The following EVC variants were observed in gnomAD, a reference collection of about 807,000 sequenced individuals.
EVC encodes the protein evC complex member EVC.
EVC carries 116 observed loss-of-function variants against 118.9 expected under a neutral mutation model. The observed-to-expected ratio is 0.98, with a 90% confidence interval of 0.84 to 1.14. The LOEUF is 1.14. Ranked by LOEUF, EVC falls within the 50% of genes most tolerant of loss-of-function variation. EVC has a pLI of 0.00. For missense variants in EVC, 1,401 were observed against 1,246.4 expected, an observed-to-expected ratio of 1.12 and a Z score of -1.87; for synonymous variants, 619 against 534.7, an observed-to-expected ratio of 1.16 and a Z score of -2.18.
At position 5,811,014 on chromosome 4, in the gene EVC, C is replaced by G; in HGVS notation, c.2956C>G (p.Leu986Val). Residue 986 changes from leucine to valine, a missense_variant, in exon 21 of 21, where the codon CTA (leucine) becomes GTA (valine). Leu to Val is a conservative substitution (Grantham distance 32, BLOSUM62 1). Coordinates refer to ENST00000264956, the MANE Select transcript of EVC (RefSeq NM_153717.3). ...AGDSGNSKKMLKRRSNL is the reference protein window; with the variant it reads ...AGDSGNSKKMVKRRSNL ...GGACAGTGGGAACTCAAAGAAGATG[C>G]TAAAGAGAAGAAGCAACTTGTAGTT... The G allele has an allele frequency of 6.2e-7, 1 of 1,612,684 alleles. No homozygotes were observed. Among genetic ancestry groups the G allele is most frequent in the South Asian group, 1.1e-5 (1 of 90,746 alleles).
chr4:5,761,196 G>A (rs1354984830), intron 11 of EVC, among the ~76,000 whole-genome samples: 1 of 152,012 alleles, frequency 6.6e-6, no homozygotes, highest in Non-Finnish European at 1.5e-5. Context: ...AGGAGAGCAG[G>A]TCCAAGGCCC....
At chr4:5,741,631 G>C (rs1478982791) in intron 5 of EVC, 85 bp from the exon 6 acceptor site, 8 of 749,682 alleles carry the variant, frequency 1.1e-5, no homozygotes, top group South Asian at 4.5e-5. Flanking sequence ...GTGGGGGAGG[G>C]AGGGAGAAGA....
chr4:5,753,066 A>G lies in EVC; in HGVS notation c.1315+14A>G. 5 of 1,571,806 alleles carry G rather than the reference A, an allele frequency of 3.2e-6. No homozygotes were observed. Among genetic ancestry groups the G allele is most frequent in the African/African-American group, 1.3e-5 (1 of 74,390 alleles). On this transcript the variant is annotated intron_variant, in intron 9 of 20. Coordinates refer to ENST00000264956, the MANE Select transcript of EVC (RefSeq NM_153717.3). ...GCTTCAGCCGGGGTGAGCCGTGGGCATGGGTGCCGCCGTCCACAACACTGG... is the reference window on the plus strand; with the variant it reads ...GCTTCAGCCGGGGTGAGCCGTGGGCGTGGGTGCCGCCGTCCACAACACTGG...
chr4:5,792,979 G>A (rs909694583), intron 12 of EVC, among the ~76,000 whole-genome samples: 5 of 152,174 alleles, frequency 3.3e-5, no homozygotes, highest in African/African-American at 1.2e-4. Context: ...AAATTGATCT[G>A]TAAAATCAAC....
chr4:5,778,624 T>C (rs1735092822), intron 11 of EVC, among the ~76,000 whole-genome samples: 2 of 152,210 alleles, frequency 1.3e-5, no homozygotes, highest in African/African-American at 2.4e-5. Flanking sequence ...TTTTTTTGGC[T>C]GCATCAATGT....
At chr4:5,726,230 G>C (rs1725787738) in intron 2 of EVC, among the ~76,000 whole-genome samples, 1 of 152,244 alleles carries the variant, frequency 6.6e-6, no homozygotes, top group African/African-American at 2.4e-5. Context: ...GATTGACACA[G>C]ATGCAGTTTT....
At chr4:5,808,658 G>T (rs1469929939) in intron 18 of EVC, among the ~76,000 whole-genome samples, 1 of 152,228 alleles carries the variant, frequency 6.6e-6, no homozygotes, top group African/African-American at 2.4e-5. Flanking sequence ...GGAGGCTTCC[G>T]GTGTAATGGT....
chr4:5,787,369 G>A (rs561115673), intron 12 of EVC, among the ~76,000 whole-genome samples: 5 of 152,332 alleles, frequency 3.3e-5, no homozygotes, highest in South Asian at 4.1e-4. Context: ...ATATTCTCCC[G>A]ATGATCTGGC....
At chr4:5,816,124 G>A (rs997860353), downstream of EVC, among the ~76,000 whole-genome samples, 3 of 152,130 alleles carry the variant, frequency 2.0e-5, no homozygotes, top group African/African-American at 7.2e-5. Context: ...GATTGGACAG[G>A]AGGCCTGGGG....
chr4:5,806,866 T>A (rs188355357), intron 17 of EVC, among the ~76,000 whole-genome samples: 200 of 152,346 alleles, frequency 1.3e-3, no homozygotes, highest in African/African-American at 4.6e-3. Context: ...GTCTTTTTAG[T>A]GATAGCCATT....
rs916831858 is a variant in EVC, at chr4:5,811,296, C to G, written c.*259C>G. 14 of 463,408 alleles carry G rather than the reference C, an allele frequency of 3.0e-5. No individual in the cohort carries two copies. Among genetic ancestry groups the G allele is most frequent in the Non-Finnish European group, 5.6e-5 (14 of 251,470 alleles). The allele number at this position is 463,408 out of a possible 1,614,324, so 28.7% of individuals were successfully genotyped here. On this transcript the variant is annotated 3_prime_UTR_variant, in exon 21 of 21. Coordinates refer to ENST00000264956, the MANE Select transcript of EVC (RefSeq NM_153717.3). ...TTGGCTTGGAGCCCTGGCTCGATGC[C>G]TCATGGATCTTTCTCCCCAAGGAGG...
intron 3 of EVC, among the ~76,000 whole-genome samples, chr4:5,729,798 G>A (rs77614332): frequency 0.084 from 12,714 of 152,094 alleles, 667 homozygotes; most frequent in African/African-American, 0.15. Context: ...TGCATCAGGC[G>A]TTTCAACTTG....
rs756025432 is a variant in EVC at position 5,748,267 on chromosome 4, C to T, written c.1059C>T (p.Ala353=). The change falls in exon 8 of 21, where the codon GCC becomes GCT. Residue 353 remains alanine (A), a synonymous_variant. Transcript: ENST00000264956. ...MMTLTERMIA[A]EGLLCDSQEL... ...CTCTGACGGAAAGAATGATTGCAGC[C>T]GAAGGGCTATTGTGCGATTCTCAGG... 41 of 1,613,952 alleles carry T rather than the reference C, an allele frequency of 2.5e-5. 1 individual carries two copies. In the Middle Eastern group the frequency reaches 8.2e-4, roughly 32 times the overall value.
Position 5,713,125 on chromosome 4 carries a change from C to A in EVC, c.174+1571C>A, listed in dbSNP as rs147196169. 4.7e-3 allele frequency among the ~76,000 whole-genome samples: 720 copies of A among 152,284 alleles called. 3 individuals carry two copies. The highest frequency in any genetic ancestry group is 0.016 in the African/African-American group (665 of 41,554). ...TCAGCTGAGGCTTACCGGGATTAAC[C>A]AAGCCATCTGGGTTTGCACAGCTAG... On this transcript the variant is annotated intron_variant, in intron 1 of 20. Coordinates refer to ENST00000264956, the MANE Select transcript of EVC (RefSeq NM_153717.3).
intron 11 of EVC, among the ~76,000 whole-genome samples, chr4:5,758,985 C>T (rs1419744300): frequency 6.6e-6 from 1 of 152,018 alleles, no homozygotes. Flanking sequence ...CCTTGACTTA[C>T]CGGGGAAACT....
At chr4:5,712,558 C>T (rs749871164) in intron 1 of EVC, among the ~76,000 whole-genome samples, 6 of 152,254 alleles carry the variant, frequency 3.9e-5, no homozygotes, top group South Asian at 4.1e-4. Flanking sequence ...GTAAAGTCTG[C>T]GCGATCAGAA....
At chr4:5,791,010 G>A (rs1033386491) in intron 12 of EVC, among the ~76,000 whole-genome samples, 5 of 151,986 alleles carry the variant, frequency 3.3e-5, no homozygotes, top group African/African-American at 4.8e-5. Context: ...CAGGAGAATC[G>A]CTTGAACCCG....
At chr4:5,735,600 T>A (rs2151958229) in intron 5 of EVC, among the ~76,000 whole-genome samples, 1 of 152,282 alleles carries the variant, frequency 6.6e-6, no homozygotes, top group East Asian at 1.9e-4. Context: ...TACACTCTGG[T>A]AGGCTCAGTG....
chr4:5,825,055 A>G, the EVC span: 8 of 985,410 alleles, frequency 8.1e-6, 1 homozygote, highest in East Asian at 9.1e-4. This position sits in a 1 kb window ranked among gnomAD's most constrained non-coding sequence, Gnocchi z 4.4. Context: ...ATAAAATAAA[A>G]TCATGGGTTA....
Sources: gnomAD v4.1 joint callset for allele counts (sites outside exome capture counted in the v4.1 genomes callset) on GRCh38, gnomAD v4.1.1 for gene constraint, Gnocchi (gnomAD v3.1) non-coding constraint, MANE v1.5 for transcripts, NCBI Gene and HGNC (gene_info 2026-07-23, HGNC 2026-07-21) for gene names.